The following SFT2D2 variants were observed in gnomAD, a reference collection of about 807,000 sequenced individuals.
SFT2D2 encodes SFT2 domain containing 2, also known as vesicle transport protein SFT2B.
Under a neutral mutation model 27.4 loss-of-function variants are expected in SFT2D2, and 21 were observed. That is an observed-to-expected ratio of 0.77 (90% CI 0.54 to 1.10). SFT2D2 has a LOEUF of 1.10. Among genes scored for constraint, SFT2D2 ranks in the 50% least tolerant of loss-of-function variants. SFT2D2 has a pLI of 0.00. For synonymous variants in SFT2D2, 72 were observed against 71.7 expected (o/e 1.00, Z -0.02); for missense variants, 187 against 194.2 (o/e 0.96, Z 0.22).
rs1360158012 is a variant in SFT2D2, at chr1:168,242,545, T to C, written c.*5T>C. The C allele has an allele frequency of 1.9e-6, 3 of 1,614,098 alleles. No homozygotes were observed. Among genetic ancestry groups the C allele is most frequent in the African/African-American group, 2.7e-5 (2 of 74,938 alleles). On this transcript the variant is annotated 3_prime_UTR_variant, in exon 8 of 8. Transcript: ENST00000271375. ...TTTGCCGTGTGTCTTGCATAATTCA[T>C]GGCCAGTTTTATGAAGCTTTGGAAG...
chr1:168,241,694 AT>A (rs1180740042), intron 7 of SFT2D2, among the ~76,000 whole-genome samples: 3 of 152,190 alleles, frequency 2.0e-5, no homozygotes, highest in Non-Finnish European at 2.9e-5. Flanking sequence ...AGGGGGACTT[AT>A]GTGGCCATAA....
At position 168,246,497 on chromosome 1, in the gene SFT2D2, TTG is replaced by T; in HGVS notation, c.*3961_*3962del. ...AAAGCGTTTTCTTTCAGAGCCTCTC[TTG>T]TGTTATGGAGCTCAGTTTTGAGGCA... On this transcript the variant is annotated 3_prime_UTR_variant, in exon 8 of 8. Transcript: ENST00000271375. The T allele has an allele frequency of 6.9e-7, 1 of 1,447,952 alleles. No individual in the cohort carries two copies. Among genetic ancestry groups the T allele is most frequent in the Non-Finnish European group, 9.4e-7 (1 of 1,064,860 alleles). 89.7% of individuals were successfully genotyped at this position (1,447,952 alleles called of 1,614,324 possible).
chr1:168,241,485 G>A (rs1647642902), intron 7 of SFT2D2, among the ~76,000 whole-genome samples: 1 of 152,040 alleles, frequency 6.6e-6, no homozygotes, highest in Non-Finnish European at 1.5e-5. Context: ...GAACCACCAT[G>A]CCTGGCCCCA....
chr1:168,238,581 T>C (rs987410665), intron 6 of SFT2D2, among the ~76,000 whole-genome samples: 2 of 152,056 alleles, frequency 1.3e-5, no homozygotes, highest in Non-Finnish European at 2.9e-5. Context: ...TTCTGGAGGC[T>C]GAGGCAGGGG....
In SFT2D2 at chr1:168,227,121, A is replaced by G. The variant is rs761105895; in HGVS notation, c.63+979A>G. 7.9e-5 allele frequency among the ~76,000 whole-genome samples: 12 copies of G among 152,310 alleles called. No individual in the cohort carries two copies. The South Asian group carries it at 2.5e-3, about 32-fold the overall frequency. ...AGGCATGAGCCACCGCGCCCGGCCT[A>G]TTAGAAAAGTTTTGATCGTGCTGAA... is the stretch of plus-strand genomic sequence containing the variant. On this transcript the variant is annotated intron_variant, in intron 1 of 7. Transcript: ENST00000271375.
chr1:168,237,841 ATG>A lies in SFT2D2; in HGVS notation c.413+1087_413+1088del, dbSNP rs34517084. Among the ~76,000 whole-genome samples, 829 of 147,994 alleles carry A rather than the reference ATG, an allele frequency of 5.6e-3. 4 individuals carry two copies. The highest frequency in any genetic ancestry group is 0.019 in the African/African-American group (740 of 39,934). On this transcript the variant is annotated intron_variant, in intron 6 of 7. Coordinates refer to ENST00000271375, the MANE Select transcript of SFT2D2 (RefSeq NM_199344.3). ...GAGAAGGATGCTGGTGTTTGTGTTT[ATG>A]TGTGTGTGTGTGTGTATGTTTTTTT...
rs1647947267 is a variant in SFT2D2, at chr1:168,251,347, T to G, written c.*8807T>G. On this transcript the variant is annotated 3_prime_UTR_variant, in exon 8 of 8. Coordinates refer to ENST00000271375, the MANE Select transcript of SFT2D2 (RefSeq NM_199344.3). ...AATAAAAAAAAAAATCACTTTTTGA[T>G]ACTTCTGTTAAAATAGATAATAAGG... 6.6e-6 allele frequency: 1 copy of G among 152,098 alleles called. No individual in the cohort carries two copies. The allele number at this position is 152,098 out of a possible 1,614,324, so 9.4% of individuals were successfully genotyped here. A position where few individuals can be genotyped will look rare whatever the true frequency, so the allele number is the denominator to read the frequency against.
rs147297269 is a variant in SFT2D2, at chr1:168,231,905, C to T, written c.222C>T (p.Ile74=). The T allele has an allele frequency of 1.8e-4, 285 of 1,613,948 alleles. No homozygotes were observed. The African/African-American group carries it at 2.6e-3, about 15-fold the overall frequency. Residue 74 remains isoleucine (I), a synonymous_variant, in exon 3 of 8, where the codon ATC becomes ATT. Coordinates refer to ENST00000271375, the MANE Select transcript of SFT2D2 (RefSeq NM_199344.3). ...LFAVFYTFGN[I]ASIGSTIFLM... is the part of the protein sequence containing the mutation. ...CAGTGTTTTATACCTTTGGTAATATCGCATCAATTGGGAGGTAACTGTTTT... is the reference window on the plus strand; with the variant it reads ...CAGTGTTTTATACCTTTGGTAATATTGCATCAATTGGGAGGTAACTGTTTT...
chr1:168,229,627 C>T (rs1304130447), intron 1 of SFT2D2: 5 of 152,384 alleles, frequency 3.3e-5, no homozygotes, highest in African/African-American at 1.2e-4. Context: ...CCCACTACCA[C>T]TCTTCTTCCT....
At chr1:168,233,828 G>C in intron 3 of SFT2D2, among the ~76,000 whole-genome samples, 1 of 152,152 alleles carries the variant, frequency 6.6e-6, no homozygotes, top group Non-Finnish European at 1.5e-5. Context: ...TTGGGAGTTT[G>C]TGTCTTTGCC....
At chr1:168,227,205 G>T (rs999333661) in intron 1 of SFT2D2, among the ~76,000 whole-genome samples, 4 of 152,118 alleles carry the variant, frequency 2.6e-5, no homozygotes, top group African/African-American at 9.7e-5. Flanking sequence ...TTCTATTTAG[G>T]GTGCTTTTAG....
chr1:168,246,988 G>T lies in SFT2D2; in HGVS notation c.*4448G>T. ...TGCATCAAATGGTTTTTATGCAACA[G>T]GTCTTCTTCTTTTTCATGACTATCA... On this transcript the variant is annotated 3_prime_UTR_variant, in exon 8 of 8. Coordinates refer to ENST00000271375, the MANE Select transcript of SFT2D2 (RefSeq NM_199344.3). 1.8e-6 allele frequency: 1 copy of T among 570,216 alleles called. No individual in the cohort carries two copies. The highest frequency in any genetic ancestry group is 1.5e-5 in the South Asian group (1 of 67,436). The allele number at this position is 570,216 out of a possible 1,614,324, so 35.3% of individuals were successfully genotyped here. A position where few individuals can be genotyped will look rare whatever the true frequency, so the allele number is the denominator to read the frequency against.
At chr1:168,226,840 GAC>G (rs1700466105) in intron 1 of SFT2D2, among the ~76,000 whole-genome samples, 1 of 151,882 alleles carries the variant, frequency 6.6e-6, no homozygotes, top group Non-Finnish European at 1.5e-5. Flanking sequence ...TTTTTTCTGA[GAC>G]AGAGTCTCAC....
At chr1:168,236,548 C>T in intron 4 of SFT2D2, 41 bp from the exon 5 acceptor site, 2 of 1,578,974 alleles carry the variant, frequency 1.3e-6, no homozygotes, top group Non-Finnish European at 1.7e-6. Context: ...TTTTTCCTGC[C>T]ATGTTATTGT....
chr1:168,242,421 G>C (rs764242538), intron 7 of SFT2D2, 80 bp from the exon 8 acceptor site: 52 of 1,515,720 alleles, frequency 3.4e-5, no homozygotes, highest in Non-Finnish European at 4.7e-5. Context: ...CTACTCTGCA[G>C]CTTCCACTCT....
chr1:168,236,674 T>C lies in SFT2D2; in HGVS notation c.355-38T>C, dbSNP rs752314600. The stretch of plus-strand genomic sequence containing the variant: ...TAACCATTTTGGCTTTTGCCCCTTG[T>C]CTCACACTCTCCTATAACCATATTA... On this transcript the variant is annotated intron_variant, in intron 5 of 7. Transcript: ENST00000271375. 1.9e-6 allele frequency: 3 copies of C among 1,613,920 alleles called. No individual in the cohort carries two copies. In the Admixed American group the frequency reaches 5.0e-5, roughly 27 times the overall value.
intron 3 of SFT2D2, among the ~76,000 whole-genome samples, chr1:168,234,880 A>G (rs539395399): frequency 1.1e-4 from 17 of 152,328 alleles, no homozygotes; most frequent in Middle Eastern, 6.8e-3. Context: ...GGCCTTGGAT[A>G]AAGTAACTCT....
intron 2 of SFT2D2, 29 bp downstream of exon 2, chr1:168,231,629 T>C (rs201407542): frequency 6.2e-7 from 1 of 1,602,726 alleles, no homozygotes; most frequent in Non-Finnish European, 8.5e-7. Flanking sequence ...CTCTGTCTTT[T>C]CCTTCTACCT....
Position 168,247,038 on chromosome 1 carries a change from G to A in SFT2D2, c.*4498G>A. On this transcript the variant is annotated 3_prime_UTR_variant, in exon 8 of 8. Transcript: ENST00000271375. Reference sequence around the variant, plus strand: ...AGAAATCTCAAACTGCAGAGTTCTTGTTCCCATTCAAGTTTTTGATATTCT... The same window carrying A: ...AGAAATCTCAAACTGCAGAGTTCTTATTCCCATTCAAGTTTTTGATATTCT... 4.4e-6 allele frequency: 2 copies of A among 452,870 alleles called. No homozygotes were observed. Among genetic ancestry groups the A allele is most frequent in the South Asian group, 1.7e-5 (1 of 57,600 alleles). The allele number at this position is 452,870 out of a possible 1,614,324, so 28.1% of individuals were successfully genotyped here. A position where few individuals can be genotyped will look rare whatever the true frequency, so the allele number is the denominator to read the frequency against.
Sources: gnomAD v4.1 joint callset for allele counts (sites outside exome capture counted in the v4.1 genomes callset) on GRCh38, gnomAD v4.1.1 for gene constraint, MANE v1.5 for transcripts, NCBI Gene and HGNC (gene_info 2026-07-23, HGNC 2026-07-21) for gene names.